The following SLC9A9 variants were observed in gnomAD, a reference collection of about 807,000 sequenced individuals.
SLC9A9 encodes solute carrier family 9 member A9, also known as sodium/hydrogen exchanger 9.
Under a neutral mutation model 77.8 loss-of-function variants are expected in SLC9A9, and 62 were observed. The observed-to-expected ratio is 0.80, with a 90% CI of 0.65 to 0.98. The LOEUF is 0.98. SLC9A9 is among the 50% of genes least tolerant of loss of function. The pLI is 0.00. For synonymous variants in SLC9A9, 320 were observed against 283.5 expected (o/e 1.13, Z -1.29); for missense variants, 775 against 774.9 (o/e 1.00, Z 0.00).
At chr3:143,596,789 T>A (rs1487240113) in intron 6 of SLC9A9, among the ~76,000 whole-genome samples, 1 of 151,884 alleles carries the variant, frequency 6.6e-6, no homozygotes, top group Non-Finnish European at 1.5e-5. Context: ...CATCCTCCCA[T>A]GTAGTTGGGA....
Position 143,265,807 on chromosome 3 carries a change from G to T in SLC9A9, c.*895C>A. On this transcript the variant is annotated 3_prime_UTR_variant, in exon 16 of 16. Coordinates refer to ENST00000316549, the MANE Select transcript of SLC9A9 (RefSeq NM_173653.4). ...TCAGCTGTGAATGCTGGAATTGGAG[G>T]ACAGGTTGGGGCTCCTGCACAGTCT... is the stretch of plus-strand genomic sequence containing the variant. 1.8e-6 allele frequency: 1 copy of T among 561,942 alleles called. No homozygotes were observed. The allele number at this position is 561,942 out of a possible 1,614,324, so 34.8% of individuals were successfully genotyped here.
intron 4 of SLC9A9, among the ~76,000 whole-genome samples, chr3:143,707,823 G>A (rs1934026744): frequency 6.6e-6 from 1 of 152,128 alleles, no homozygotes; most frequent in Non-Finnish European, 1.5e-5. Flanking sequence ...GAAATAAACT[G>A]TCCTTTAATC....
At chr3:143,795,359 T>C (rs2008355609) in intron 3 of SLC9A9, among the ~76,000 whole-genome samples, 1 of 150,764 alleles carries the variant, frequency 6.6e-6, no homozygotes, top group Non-Finnish European at 1.5e-5. Context: ...TGGCTGGACC[T>C]GAGAGGGAAG....
chr3:143,686,482 A>G (rs1868175), intron 5 of SLC9A9, among the ~76,000 whole-genome samples: 114,975 of 151,942 alleles, frequency 0.76, 44,560 homozygotes, highest in East Asian at 0.88. Context: ...GGTGAGCAAG[A>G]AAGGCTCTCA....
intron 11 of SLC9A9, among the ~76,000 whole-genome samples, chr3:143,472,919 C>T (rs1447144780): frequency 6.6e-6 from 1 of 151,938 alleles, no homozygotes; most frequent in Non-Finnish European, 1.5e-5. Context: ...CTCAGGCCTG[C>T]CCCACAGGCT....
At chr3:143,584,465 T>C (rs2037508949) in intron 6 of SLC9A9, among the ~76,000 whole-genome samples, 1 of 152,218 alleles carries the variant, frequency 6.6e-6, no homozygotes, top group African/African-American at 2.4e-5. Flanking sequence ...TGAAAGCTTA[T>C]GAAAAGAACA....
chr3:143,352,021 G>A (rs2032467395), intron 14 of SLC9A9, among the ~76,000 whole-genome samples: 1 of 152,096 alleles, frequency 6.6e-6, no homozygotes, highest in Non-Finnish European at 1.5e-5. Context: ...TACCATGTGG[G>A]GCACCTGCCT....
chr3:143,298,831 G>C (rs1434970888), intron 14 of SLC9A9, among the ~76,000 whole-genome samples: 1 of 152,184 alleles, frequency 6.6e-6, no homozygotes, highest in African/African-American at 2.4e-5. Context: ...ATTCTAGATA[G>C]TATGTGTCTT....
chr3:143,573,370 T>A (rs2037301597), intron 8 of SLC9A9, among the ~76,000 whole-genome samples: 4 of 152,042 alleles, frequency 2.6e-5, no homozygotes, highest in African/African-American at 9.7e-5. Context: ...AGCATTAACA[T>A]TTTGCTGGAA....
intron 11 of SLC9A9, among the ~76,000 whole-genome samples, chr3:143,472,025 T>C (rs546345331): frequency 2.0e-5 from 3 of 152,354 alleles, no homozygotes; most frequent in African/African-American, 7.2e-5. Context: ...TGCAAATGTG[T>C]TCTGAATAGG....
chr3:143,651,748 G>T (rs1187121747), intron 6 of SLC9A9, among the ~76,000 whole-genome samples: 1 of 152,166 alleles, frequency 6.6e-6, no homozygotes, highest in Non-Finnish European at 1.5e-5. Flanking sequence ...CTGAGCTGAA[G>T]CTCCATCAGT....
Position 143,333,215 on chromosome 3 carries a change from CAG to C in SLC9A9, c.1604+30267_1604+30268del, listed in dbSNP as rs2031827639. 5.3e-5 allele frequency among the ~76,000 whole-genome samples: 8 copies of C among 152,190 alleles called. No individual in the cohort carries two copies. In the South Asian group the frequency reaches 1.7e-3, roughly 32 times the overall value. ...CACGCTTGTGATTTCTGTGAACAAA[CAG>C]TACCAAGAACCACCACCTCCCACCC... is the stretch of plus-strand genomic sequence containing the variant. On this transcript the variant is annotated intron_variant, in intron 14 of 15. Transcript: ENST00000316549.
At chr3:143,639,536 T>C (rs750096447) in intron 6 of SLC9A9, among the ~76,000 whole-genome samples, 1 of 152,160 alleles carries the variant, frequency 6.6e-6, no homozygotes, top group Non-Finnish European at 1.5e-5. Flanking sequence ...TGGGTAGTCA[T>C]AAAAGAATCA....
intron 2 of SLC9A9, among the ~76,000 whole-genome samples, chr3:143,806,426 G>A (rs559137243): frequency 2.0e-5 from 3 of 152,070 alleles, no homozygotes; most frequent in East Asian, 1.9e-4. Context: ...AATTGGGATC[G>A]TATCAAGGAT....
chr3:143,694,964 G>C lies in SLC9A9; in HGVS notation c.534-1657C>G, dbSNP rs542642909. On this transcript the variant is annotated intron_variant, in intron 4 of 15. Coordinates refer to ENST00000316549, the MANE Select transcript of SLC9A9 (RefSeq NM_173653.4). Reference sequence around the variant, plus strand: ...AGCATGGATTCTAGAAGGGGAGGCTGAATCTTAACCAGGCTGAAGGTATTA... The same window carrying C: ...AGCATGGATTCTAGAAGGGGAGGCTCAATCTTAACCAGGCTGAAGGTATTA... 1.6e-4 allele frequency among the ~76,000 whole-genome samples: 25 copies of C among 152,168 alleles called. 1 individual carries two copies. In the South Asian group the frequency reaches 5.2e-3, roughly 32 times the overall value.
Position 143,723,987 on chromosome 3 carries a change from C to T in SLC9A9, c.534-30680G>A, listed in dbSNP as rs115812700. On this transcript the variant is annotated intron_variant, in intron 4 of 15. Transcript: ENST00000316549. ...CTGATGGTCAGAGGTACTAGAACAA[C>T]ATTTAAATAATAGCTCCATTATTTA... Among the ~76,000 whole-genome samples, 986 of 152,316 alleles carry T rather than the reference C, an allele frequency of 6.5e-3. 10 individuals carry two copies. Among genetic ancestry groups the T allele is most frequent in the African/African-American group, 0.023 (937 of 41,564 alleles).
intron 5 of SLC9A9, among the ~76,000 whole-genome samples, chr3:143,659,617 A>G (rs1294149375): frequency 1.3e-5 from 2 of 152,208 alleles, no homozygotes; most frequent in Non-Finnish European, 2.9e-5. Context: ...CCTGTGTGAG[A>G]TACAGGGAAG....
intron 4 of SLC9A9, among the ~76,000 whole-genome samples, chr3:143,711,525 G>C (rs906115155): frequency 6.6e-6 from 1 of 151,426 alleles, no homozygotes; most frequent in Non-Finnish European, 1.5e-5. Flanking sequence ...TTAGCCTCCT[G>C]AGTAGCTGGG....
chr3:143,716,620 T>C (rs774551811), intron 4 of SLC9A9, among the ~76,000 whole-genome samples: 15 of 152,150 alleles, frequency 9.9e-5, no homozygotes, highest in Non-Finnish European at 2.2e-4. Context: ...AAGCACACTA[T>C]GGAAGCAGTA....
Sources: allele counts gnomAD v4.1 joint callset (sites outside exome capture counted in the v4.1 genomes callset), GRCh38; gene constraint gnomAD v4.1.1; transcripts MANE v1.5; gene names NCBI Gene and HGNC (gene_info 2026-07-23, HGNC 2026-07-21).